MMP26: variants seen among roughly 807,000 people sequenced by gnomAD.
The protein encoded by MMP26 is matrix metallopeptidase 26, also known as matrix metalloproteinase-26.
In MMP26, 33 loss-of-function variants were observed where a neutral mutation model predicts 31.0. That is an observed-to-expected ratio of 1.06 (90% CI 0.81 to 1.42). MMP26 has a LOEUF of 1.42. Among genes scored for constraint, MMP26 ranks in the 40% most tolerant of loss-of-function variants. The pLI is 0.00. For missense variants in MMP26, 347 were observed against 316.1 expected, an observed-to-expected ratio of 1.10 and a Z score of -0.74; for synonymous variants, 122 against 114.9, an observed-to-expected ratio of 1.06 and a Z score of -0.40.
At chr11:4,834,040 C>G (rs759250173) in intron 2 of MMP26, among the ~76,000 whole-genome samples, 1 of 152,076 alleles carries the variant, frequency 6.6e-6, no homozygotes, top group Non-Finnish European at 1.5e-5. Flanking sequence ...AAAAAATAGT[C>G]TAAAGAAAAA....
intron 2 of MMP26, among the ~76,000 whole-genome samples, chr11:4,927,168 C>G (rs1330322568): frequency 6.6e-6 from 1 of 152,154 alleles, no homozygotes; most frequent in Non-Finnish European, 1.5e-5. Flanking sequence ...CCCTCTGGCT[C>G]CTGTTCCTCA....
At chr11:4,710,730 A>C (rs1026322030) in intron 1 of MMP26, 2 of 310,964 alleles carry the variant, frequency 6.4e-6, no homozygotes, top group Non-Finnish European at 1.3e-5. Context: ...TGAATACTGA[A>C]CCTAGCACAG....
intron 2 of MMP26, among the ~76,000 whole-genome samples, chr11:4,861,668 G>C (rs1363659304): frequency 6.6e-6 from 1 of 152,006 alleles, no homozygotes; most frequent in East Asian, 1.9e-4. Context: ...GGTAGAAGAA[G>C]ATAAAAGTTA....
At chr11:4,746,964 C>A (rs1345013190) in intron 1 of MMP26, among the ~76,000 whole-genome samples, 1 of 151,994 alleles carries the variant, frequency 6.6e-6, no homozygotes, top group Non-Finnish European at 1.5e-5. Context: ...TAAAATGTGA[C>A]ACATTTTATC....
In MMP26 at chr11:4,882,813, T is replaced by C. The variant is rs199652084; in HGVS notation, c.-144-105255T>C. The C allele has an allele frequency of 1.9e-5, 31 of 1,613,868 alleles. 2 individuals are homozygous for C. In the Middle Eastern group the frequency reaches 2.0e-3, roughly 103 times the overall value. ...AAGACCAAGACAATCCGCCAGGCTA[T>C]GTTCCAGCTGCTCCAATCCAAGGGT... On this transcript the variant is annotated intron_variant, in intron 2 of 7. Transcript: ENST00000380390.
chr11:4,961,598 A>G (rs1484372451), intron 2 of MMP26, among the ~76,000 whole-genome samples: 2 of 152,214 alleles, frequency 1.3e-5, no homozygotes, highest in Non-Finnish European at 2.9e-5. Context: ...AAAGACAATA[A>G]CAAAGTAATA....
intron 2 of MMP26, among the ~76,000 whole-genome samples, chr11:4,957,175 A>G (rs1423166050): frequency 6.6e-6 from 1 of 152,220 alleles, no homozygotes; most frequent in African/African-American, 2.4e-5. Flanking sequence ...GAGAAGTAAA[A>G]GGCAATTTTT....
At chr11:4,724,087 G>C in intron 1 of MMP26, 2 of 645,492 alleles carry the variant, frequency 3.1e-6, no homozygotes, top group South Asian at 3.4e-5. Context: ...CAGGCACCAG[G>C]TCCACTCGTG....
intron 2 of MMP26, chr11:4,882,585 G>A (rs1408662412): frequency 1.9e-6 from 3 of 1,613,810 alleles, no homozygotes; most frequent in African/African-American, 1.3e-5. Context: ...ACTGTTCTGG[G>A]CATTGTGGCC....
chr11:4,760,908 T>C (rs1315938336), intron 1 of MMP26, among the ~76,000 whole-genome samples: 2 of 152,230 alleles, frequency 1.3e-5, no homozygotes. Flanking sequence ...GATTTGGTTA[T>C]TATTTATGGC....
At chr11:4,933,905 A>G (rs1851391488) in intron 2 of MMP26, among the ~76,000 whole-genome samples, 2 of 148,928 alleles carry the variant, frequency 1.3e-5, no homozygotes, top group Non-Finnish European at 1.5e-5. Context: ...ACGTGAACTC[A>G]TCATTTTTTA....
intron 1 of MMP26, among the ~76,000 whole-genome samples, chr11:4,759,910 C>T (rs370720984): frequency 1.3e-5 from 2 of 152,182 alleles, no homozygotes; most frequent in African/African-American, 4.8e-5. Flanking sequence ...TTCGCCACTA[C>T]CCAGTCGGCC....
chr11:4,913,852 C>G (rs1287350943), intron 2 of MMP26: 1 of 152,126 alleles, frequency 6.6e-6, no homozygotes, highest in African/African-American at 2.4e-5. Context: ...TTTTGACTGC[C>G]TAATGCCTAC....
chr11:4,738,824 G>T (rs11033628), intron 1 of MMP26, among the ~76,000 whole-genome samples: 26,442 of 151,896 alleles, frequency 0.17, 2,779 homozygotes, highest in African/African-American at 0.3. Context: ...AAACCTCTAT[G>T]ATCATGGAAC....
intron 2 of MMP26, among the ~76,000 whole-genome samples, chr11:4,904,678 T>C (rs961984859): frequency 1.3e-5 from 2 of 152,132 alleles, no homozygotes; most frequent in Non-Finnish European, 2.9e-5. Flanking sequence ...TCCAAATGCA[T>C]GCTCTGTGTA....
Position 4,950,167 on chromosome 11 carries a change from T to C in MMP26, c.-144-37901T>C, listed in dbSNP as rs1211748355. Among the ~76,000 whole-genome samples, 2 of 123,648 alleles carry C rather than the reference T, an allele frequency of 1.6e-5. 1 individual carries two copies. The highest frequency in any genetic ancestry group is 3.7e-5 in the Non-Finnish European group (2 of 54,416). The allele number at this position is 123,648 out of a possible 152,430, so 81.1% of individuals were successfully genotyped here. On this transcript the variant is annotated intron_variant, in intron 2 of 7. Transcript: ENST00000380390. ...ATTTGAGTTGGACAATAGGCCTAAGTATTCAAGGTAAAACAAAAAATCTTG... is the reference window on the plus strand; with the variant it reads ...ATTTGAGTTGGACAATAGGCCTAAGCATTCAAGGTAAAACAAAAAATCTTG...
intron 2 of MMP26, among the ~76,000 whole-genome samples, chr11:4,890,979 G>GAAGAAT (rs146108058): frequency 3.6e-5 from 5 of 137,128 alleles, no homozygotes; most frequent in Non-Finnish European, 7.8e-5. Flanking sequence ...AATGAACTCA[G>GAAGAAT]AATAATAATA....
chr11:4,770,820 T>C, intron 2 of MMP26, among the ~76,000 whole-genome samples: 1 of 151,414 alleles, frequency 6.6e-6, no homozygotes, highest in Non-Finnish European at 1.5e-5. Flanking sequence ...TCCAGCCTGG[T>C]GACAGTGAGA....
At chr11:4,730,626 C>T (rs1432108327) in intron 1 of MMP26, among the ~76,000 whole-genome samples, 1 of 152,180 alleles carries the variant, frequency 6.6e-6, no homozygotes, top group Admixed American at 6.5e-5. Flanking sequence ...AGTATGCACT[C>T]AAGACTACGT....
Sources: gnomAD v4.1 joint callset for allele counts (sites outside exome capture counted in the v4.1 genomes callset) on GRCh38, gnomAD v4.1.1 for gene constraint, MANE v1.5 for transcripts, NCBI Gene and HGNC (gene_info 2026-07-23, HGNC 2026-07-21) for gene names.